PIK3R3: variants seen among roughly 807,000 people sequenced by gnomAD.
PIK3R3 encodes phosphoinositide-3-kinase regulatory subunit 3.
A neutral mutation model predicts 62.9 loss-of-function variants in PIK3R3; 64 were observed. The observed-to-expected ratio is 1.02, with a 90% CI of 0.83 to 1.25. The LOEUF (loss-of-function observed/expected upper bound fraction) is 1.25, where lower values mean the gene tolerates loss of function less well. Among genes scored for constraint, PIK3R3 ranks in the 50% most tolerant of loss-of-function variants. PIK3R3 has a pLI of 0.00. For synonymous variants in PIK3R3, 165 were observed against 189.0 expected (o/e 0.87, Z 1.04); for missense variants, 614 against 561.6 (o/e 1.09, Z -0.94).
At chr1:46,071,788 G>A (rs1031318198) in intron 3 of PIK3R3, among the ~76,000 whole-genome samples, 4 of 137,516 alleles carry the variant, frequency 2.9e-5, no homozygotes, top group African/African-American at 5.5e-5. Flanking sequence ...TTTCCCTGCC[G>A]AAAAAATGCA....
At chr1:46,146,986 C>T in the PIK3R3 span, among the ~76,000 whole-genome samples, 1 of 152,178 alleles carries the variant, frequency 6.6e-6, no homozygotes, top group Non-Finnish European at 1.5e-5. Flanking sequence ...AGCAACCAGC[C>T]TAGCACTGGG....
At chr1:46,082,639 T>TA (rs1235633848) in intron 1 of PIK3R3, among the ~76,000 whole-genome samples, 9 of 150,628 alleles carry the variant, frequency 6.0e-5, no homozygotes, top group Non-Finnish European at 1.0e-4. Flanking sequence ...TTCAAATGAT[T>TA]CAAAAAAATT....
At chr1:46,101,637 C>T (rs555270200) in intron 1 of PIK3R3, among the ~76,000 whole-genome samples, 4 of 152,230 alleles carry the variant, frequency 2.6e-5, no homozygotes, top group East Asian at 1.9e-4. Flanking sequence ...TGATACATGC[C>T]GCAATATGGA....
intron 1 of PIK3R3, among the ~76,000 whole-genome samples, chr1:46,128,841 G>A (rs979094924): frequency 3.9e-5 from 6 of 152,180 alleles, no homozygotes; most frequent in African/African-American, 1.2e-4. Context: ...AGCACTTTGG[G>A]AGGCCGAGGC....
chr1:46,063,997 C>A (rs1411727541), intron 5 of PIK3R3, among the ~76,000 whole-genome samples: 1 of 151,144 alleles, frequency 6.6e-6, no homozygotes, highest in Non-Finnish European at 1.5e-5. Flanking sequence ...TCGATCACTT[C>A]AAGTCAGGGG....
intron 7 of PIK3R3, among the ~76,000 whole-genome samples, chr1:46,054,261 G>A (rs981927397): frequency 1.3e-5 from 2 of 152,008 alleles, no homozygotes; most frequent in East Asian, 3.9e-4. Flanking sequence ...GGGCATGGTG[G>A]TGCATGCCTG....
At chr1:46,124,950 T>G (rs1381320402) in intron 1 of PIK3R3, among the ~76,000 whole-genome samples, 1 of 150,892 alleles carries the variant, frequency 6.6e-6, no homozygotes, top group Non-Finnish European at 1.5e-5. Flanking sequence ...ATACGAAAAA[T>G]AAGCTGGGTG....
the PIK3R3 span, among the ~76,000 whole-genome samples, chr1:46,156,550 C>T: frequency 2.6e-5 from 4 of 151,876 alleles, no homozygotes; most frequent in Non-Finnish European, 4.4e-5. Flanking sequence ...CCAGAGAAGA[C>T]ATCTGTGGTG....
At chr1:46,149,363 A>T in the PIK3R3 span, among the ~76,000 whole-genome samples, 1 of 145,498 alleles carries the variant, frequency 6.9e-6, no homozygotes. Flanking sequence ...TAGAGGTTGC[A>T]GTAAGCCGAG....
chr1:46,132,147 T>A lies in PIK3R3; in HGVS notation c.-195A>T. 1 of 1,357,734 alleles carries A rather than the reference T, an allele frequency of 7.4e-7. No individual in the cohort carries two copies. Among genetic ancestry groups the A allele is most frequent in the Non-Finnish European group, 9.5e-7 (1 of 1,054,248 alleles). The allele number at this position is 1,357,734 out of a possible 1,614,324, so 84.1% of individuals were successfully genotyped here. A position where few individuals can be genotyped will look rare whatever the true frequency, so the allele number is the denominator to read the frequency against. On this transcript the variant is annotated 5_prime_UTR_variant, in exon 1 of 10. Coordinates refer to ENST00000262741, the MANE Select transcript of PIK3R3 (RefSeq NM_003629.4). ...CTCTCTCCTACAGAACACAACAAAA[T>A]GCCCCCGAACTTTCAAGCTATGGGC...
At chr1:46,159,028 A>G in the PIK3R3 span, among the ~76,000 whole-genome samples, 14 of 152,204 alleles carry the variant, frequency 9.2e-5, no homozygotes, top group South Asian at 2.7e-3. Flanking sequence ...CAGAAGTTGC[A>G]GTGAGCCGAG....
At position 46,132,629 on chromosome 1, in the gene PIK3R3, C is replaced by G. The variant is rs186074375; in HGVS notation, c.-677G>C. 1.9e-4 allele frequency: 247 copies of G among 1,289,714 alleles called. No individual in the cohort carries two copies. In the East Asian group the frequency reaches 8.0e-3, roughly 42 times the overall value. 79.9% of individuals were successfully genotyped at this position (1,289,714 alleles called of 1,614,324 possible). Reference sequence around the variant, plus strand: ...GCACCAACTGCCCTCAAGCTCTGCCCGGACTCCAGCCACTAGAGTTTCATT... The same window carrying G: ...GCACCAACTGCCCTCAAGCTCTGCCGGGACTCCAGCCACTAGAGTTTCATT... On this transcript the variant is annotated 5_prime_UTR_variant, in exon 1 of 10. Coordinates refer to ENST00000262741, the MANE Select transcript of PIK3R3 (RefSeq NM_003629.4).
chr1:46,057,618 A>G (rs916220216), intron 6 of PIK3R3, among the ~76,000 whole-genome samples: 3 of 152,188 alleles, frequency 2.0e-5, no homozygotes, highest in Non-Finnish European at 4.4e-5. Flanking sequence ...GAACTGGAGC[A>G]AAGGTGACTC....
intron 3 of PIK3R3, among the ~76,000 whole-genome samples, chr1:46,076,047 T>G (rs1294112335): frequency 6.6e-6 from 1 of 152,222 alleles, no homozygotes; most frequent in East Asian, 1.9e-4. Flanking sequence ...CTCAGCCAAT[T>G]GGATGGTGCT....
At chr1:46,061,104 G>A (rs1206672091) in intron 6 of PIK3R3, among the ~76,000 whole-genome samples, 2 of 152,082 alleles carry the variant, frequency 1.3e-5, no homozygotes, top group African/African-American at 4.8e-5. Flanking sequence ...CAAATAATCA[G>A]CTGCCTGCCC....
the PIK3R3 span, among the ~76,000 whole-genome samples, chr1:46,162,905 G>C: frequency 2.0e-5 from 3 of 152,198 alleles, no homozygotes; most frequent in Non-Finnish European, 2.9e-5. Flanking sequence ...TTACAGGCAC[G>C]AGCCACCATG....
chr1:46,095,745 T>C (rs1652063779), intron 1 of PIK3R3, among the ~76,000 whole-genome samples: 1 of 152,228 alleles, frequency 6.6e-6, no homozygotes, highest in Admixed American at 6.5e-5. Flanking sequence ...ATTAGATTGA[T>C]ACATTAATGT....
chr1:46,134,693 A>G (rs1484712456), upstream of PIK3R3: 2 of 152,224 alleles, frequency 1.3e-5, no homozygotes, highest in South Asian at 2.1e-4. Context: ...GTTCATGTGC[A>G]TTCCCAAACA....
chr1:46,056,063 T>G, intron 6 of PIK3R3, 92 bp from the exon 7 acceptor site: 2 of 762,200 alleles, frequency 2.6e-6, no homozygotes, highest in South Asian at 2.0e-5. Flanking sequence ...TTTTTTTTTT[T>G]CCCTTGAGAT....
Sources: gnomAD v4.1 joint callset for allele counts (sites outside exome capture counted in the v4.1 genomes callset) on GRCh38, gnomAD v4.1.1 for gene constraint, MANE v1.5 for transcripts, NCBI Gene and HGNC (gene_info 2026-07-23, HGNC 2026-07-21) for gene names.